OVOL2: variants seen among roughly 807,000 people sequenced by gnomAD.
OVOL2 encodes the protein transcription factor Ovo-like 2.
In OVOL2, 13 loss-of-function variants were observed where a neutral mutation model predicts 18.1. The ratio of observed to expected loss-of-function variants is 0.72; its 90% CI spans 0.47 to 1.14. OVOL2 has a LOEUF of 1.14. OVOL2 is among the 50% of genes most tolerant of loss of function. The pLI, the probability that OVOL2 is intolerant of heterozygous loss-of-function variation, is 0.00. For missense variants in OVOL2, 335 were observed against 383.0 expected, an observed-to-expected ratio of 0.87 and a Z score of 1.05; for synonymous variants, 166 against 162.7, an observed-to-expected ratio of 1.02 and a Z score of -0.16.
intron 3 of OVOL2, among the ~76,000 whole-genome samples, chr20:18,029,249 G>T (rs1793980433): frequency 6.6e-6 from 1 of 151,952 alleles, no homozygotes; most frequent in African/African-American, 2.4e-5. Flanking sequence ...GGCTGATCTT[G>T]AACTCCTGAC....
chr20:18,052,424 G>A (rs528024372), intron 2 of OVOL2, among the ~76,000 whole-genome samples: 2 of 152,230 alleles, frequency 1.3e-5, no homozygotes, highest in South Asian at 2.1e-4. Flanking sequence ...TCCACTAAAC[G>A]CACATTCTGA....
At position 18,056,894 on chromosome 20, in the gene OVOL2, C is replaced by T. The variant is rs2036833607; in HGVS notation, c.101-17G>A. On this transcript the variant is annotated splice_polypyrimidine_tract_variant and intron_variant, in intron 1 of 3. Coordinates refer to ENST00000278780, the MANE Select transcript of OVOL2 (RefSeq NM_021220.4). This position sits in a 1 kb window ranked among gnomAD's most constrained non-coding sequence, Gnocchi z 4.2. ...CTAGGCCCACTGTGGAGGGAGGGGC[C>T]GCGCCCCGACACACACACTCGGCGT... 1 of 1,476,498 alleles carries T rather than the reference C, an allele frequency of 6.8e-7. No individual in the cohort carries two copies. 91.5% of individuals were successfully genotyped at this position (1,476,498 alleles called of 1,614,324 possible). A position where few individuals can be genotyped will look rare whatever the true frequency, so the allele number is the denominator to read the frequency against.
intron 2 of OVOL2, among the ~76,000 whole-genome samples, chr20:18,053,293 A>C (rs189169617): frequency 1.2e-4 from 19 of 152,304 alleles, no homozygotes; most frequent in Non-Finnish European, 1.5e-4. Context: ...TACACCCACT[A>C]TCTCATTTAA....
At position 18,042,504 on chromosome 20, in the gene OVOL2, C is replaced by T. The variant is rs182431199; in HGVS notation, c.322-781G>A. ...TTTAAAAGAGCCTGGTGGCCAGGCG[C>T]GGCGTCTCATGCCTGTAATCCCAGC... On this transcript the variant is annotated intron_variant, in intron 2 of 3. Coordinates refer to ENST00000278780, the MANE Select transcript of OVOL2 (RefSeq NM_021220.4). Among the ~76,000 whole-genome samples the T allele has an allele frequency of 2.4e-3, 363 of 151,998 alleles. 1 individual carries two copies. The highest frequency in any genetic ancestry group is 3.4e-3 in the Middle Eastern group (1 of 294).
Position 18,056,980 on chromosome 20 carries a change from C to G in OVOL2, c.101-103G>C. 1.5e-6 allele frequency: 2 copies of G among 1,314,544 alleles called. No individual in the cohort carries two copies. Among genetic ancestry groups the G allele is most frequent in the South Asian group, 1.8e-5 (1 of 56,928 alleles). The allele number at this position is 1,314,544 out of a possible 1,614,324, so 81.4% of individuals were successfully genotyped here. ...GGTGCTGCCGCCGCCCCGCCCCGGA[C>G]CTGGGCACCTCGCCAAGTGGGCAAC... On this transcript the variant is annotated intron_variant, in intron 1 of 3. Coordinates refer to ENST00000278780, the MANE Select transcript of OVOL2 (RefSeq NM_021220.4). The surrounding 1 kb of genome is among the most constrained non-coding windows in gnomAD (Gnocchi z 4.2).
chr20:18,039,443 G>A (rs1020176506), intron 3 of OVOL2, among the ~76,000 whole-genome samples: 3 of 151,766 alleles, frequency 2.0e-5, no homozygotes, highest in African/African-American at 4.8e-5. Context: ...GCAACATGAC[G>A]AAATCTCATC....
chr20:18,053,887 C>G (rs1347842310), intron 2 of OVOL2, among the ~76,000 whole-genome samples: 1 of 152,112 alleles, frequency 6.6e-6, no homozygotes, highest in South Asian at 2.1e-4. Flanking sequence ...AGCCCTGTTT[C>G]CTATCTTCAG....
rs1461019522 is a variant in OVOL2 at position 18,044,394 on chromosome 20, A to G, written c.322-2671T>C. 2.0e-5 allele frequency among the ~76,000 whole-genome samples: 3 copies of G among 152,302 alleles called. No homozygotes were observed. The East Asian group carries it at 5.8e-4, about 29-fold the overall frequency. On this transcript the variant is annotated intron_variant, in intron 2 of 3. Coordinates refer to ENST00000278780, the MANE Select transcript of OVOL2 (RefSeq NM_021220.4). ...TTCCTGCCTCCCTACCCACTGCTCC[A>G]AGCCTAGTCTAGGGCCAGTGCACAA... is the stretch of plus-strand genomic sequence containing the variant.
intron 3 of OVOL2, among the ~76,000 whole-genome samples, chr20:18,039,823 G>A (rs2036653208): frequency 1.3e-5 from 2 of 152,082 alleles, no homozygotes; most frequent in African/African-American, 4.8e-5. Flanking sequence ...CCTGTATGAG[G>A]GCTGAGTAGC....
At position 18,057,759 on chromosome 20, in the gene OVOL2, T is replaced by G; in HGVS notation, c.-125A>C. 1 of 1,408,922 alleles carries G rather than the reference T, an allele frequency of 7.1e-7. No individual in the cohort carries two copies. Among genetic ancestry groups the G allele is most frequent in the Non-Finnish European group, 9.2e-7 (1 of 1,088,928 alleles). 87.3% of individuals were successfully genotyped at this position (1,408,922 alleles called of 1,614,324 possible). ...CACCTTCCCGCCTCGCCTGCCCTCTTCCTCCACCCCCCGCCGCGGCGCGGC... is the reference window on the plus strand; with the variant it reads ...CACCTTCCCGCCTCGCCTGCCCTCTGCCTCCACCCCCCGCCGCGGCGCGGC... On this transcript the variant is annotated 5_prime_UTR_variant, in exon 1 of 4. Transcript: ENST00000278780. The surrounding 1 kb of genome is among the most constrained non-coding windows in gnomAD (Gnocchi z 6.3).
chr20:18,029,226 A>G (rs2036545935), intron 3 of OVOL2, among the ~76,000 whole-genome samples: 1 of 151,948 alleles, frequency 6.6e-6, no homozygotes, highest in Non-Finnish European at 1.5e-5. Context: ...ACCGGGTTTC[A>G]CCATGTTGAC....
At position 18,056,884 on chromosome 20, in the gene OVOL2, A is replaced by T. The variant is rs2036833440; in HGVS notation, c.101-7T>A. The T allele has an allele frequency of 1.4e-6, 2 of 1,478,794 alleles. No individual in the cohort carries two copies. The highest frequency in any genetic ancestry group is 2.9e-5 in the African/African-American group (2 of 68,180). The allele number at this position is 1,478,794 out of a possible 1,614,324, so 91.6% of individuals were successfully genotyped here. A position where few individuals can be genotyped will look rare whatever the true frequency, so the allele number is the denominator to read the frequency against. On this transcript the variant is annotated splice_region_variant and splice_polypyrimidine_tract_variant and intron_variant, in intron 1 of 3. Transcript: ENST00000278780. This position sits in a 1 kb window ranked among gnomAD's most constrained non-coding sequence, Gnocchi z 4.2. ...AGCAGGCGGCCTAGGCCCACTGTGG[A>T]GGGAGGGGCCGCGCCCCGACACACA...
chr20:18,032,688 G>A (rs2036582658), intron 3 of OVOL2, among the ~76,000 whole-genome samples: 6 of 152,040 alleles, frequency 3.9e-5, no homozygotes, highest in Admixed American at 3.9e-4. Flanking sequence ...TGTGTTTTTA[G>A]TAGAGACAGG....
intron 3 of OVOL2, among the ~76,000 whole-genome samples, chr20:18,028,404 C>T (rs1450796663): frequency 6.6e-5 from 10 of 151,838 alleles, no homozygotes; most frequent in South Asian, 2.1e-4. Flanking sequence ...GTCAAACTCC[C>T]GATCTCAGGT....
At position 18,057,777 on chromosome 20, in the gene OVOL2, G is replaced by A; in HGVS notation, c.-143C>T. The A allele has an allele frequency of 7.1e-7, 1 of 1,406,186 alleles. No homozygotes were observed. Among genetic ancestry groups the A allele is most frequent in the Non-Finnish European group, 9.2e-7 (1 of 1,088,504 alleles). 87.1% of individuals were successfully genotyped at this position (1,406,186 alleles called of 1,614,324 possible). A position where few individuals can be genotyped will look rare whatever the true frequency, so the allele number is the denominator to read the frequency against. ...GCCCTCTTCCTCCACCCCCCGCCGC[G>A]GCGCGGCCCAGGCCTCTCCCCCGCA... On this transcript the variant is annotated 5_prime_UTR_variant, in exon 1 of 4. Transcript: ENST00000278780. The surrounding 1 kb of genome is among the most constrained non-coding windows in gnomAD (Gnocchi z 6.3).
rs1004757837 is a variant in OVOL2, at chr20:18,048,026, G to C, written c.322-6303C>G. Reference sequence around the variant, plus strand: ...TTCTCGGCCAGATACGGTGGCTCCTGCCTGTAATCCCAGCACTTTGGGAGG... The same window carrying C: ...TTCTCGGCCAGATACGGTGGCTCCTCCCTGTAATCCCAGCACTTTGGGAGG... On this transcript the variant is annotated intron_variant, in intron 2 of 3. Transcript: ENST00000278780. 3.3e-5 allele frequency among the ~76,000 whole-genome samples: 5 copies of C among 151,864 alleles called. No individual in the cohort carries two copies. The East Asian group carries it at 7.8e-4, about 24-fold the overall frequency.
chr20:18,025,017 G>A (rs2122683079), intron 3 of OVOL2, 65 bp from the exon 4 acceptor site: 1 of 1,527,752 alleles, frequency 6.5e-7, no homozygotes, highest in Non-Finnish European at 8.9e-7. Context: ...ACCCAACTAT[G>A]AAGCCAGTAA....
chr20:18,047,109 C>A (rs1222041835), intron 2 of OVOL2, among the ~76,000 whole-genome samples: 1 of 152,180 alleles, frequency 6.6e-6, no homozygotes, highest in Non-Finnish European at 1.5e-5. Context: ...TCCTCAATTC[C>A]TTCAATTCCT....
At chr20:18,052,183 G>A (rs1411210590) in intron 2 of OVOL2, among the ~76,000 whole-genome samples, 1 of 152,190 alleles carries the variant, frequency 6.6e-6, no homozygotes, top group Non-Finnish European at 1.5e-5. Flanking sequence ...GCAAAATCCA[G>A]ACTGTTGGGG....
Sources: gnomAD v4.1 joint callset for allele counts (sites outside exome capture counted in the v4.1 genomes callset) on GRCh38, gnomAD v4.1.1 for gene constraint, Gnocchi (gnomAD v3.1) non-coding constraint, MANE v1.5 for transcripts, NCBI Gene and HGNC (gene_info 2026-07-23, HGNC 2026-07-21) for gene names.